The following KCTD1 variants were observed in gnomAD, a reference collection of about 807,000 sequenced individuals.
The protein encoded by KCTD1 is BTB/POZ domain-containing protein KCTD1.
KCTD1 carries 24 observed loss-of-function variants against 66.0 expected under a neutral mutation model. The ratio of observed to expected loss-of-function variants is 0.36; its 90% CI spans 0.26 to 0.51. KCTD1 has a LOEUF of 0.51. Ranked by LOEUF, KCTD1 falls within the 20% of genes least tolerant of loss-of-function variation. The pLI is 0.95. For missense variants in KCTD1, 943 were observed against 1,205.2 expected (o/e 0.78, Z 3.22); for synonymous variants, 511 against 517.2 (o/e 0.99, Z 0.16).
At chr18:26,612,807 A>G (rs1319638939) in intron 1 of KCTD1, among the ~76,000 whole-genome samples, 2 of 152,254 alleles carry the variant, frequency 1.3e-5, no homozygotes, top group Non-Finnish European at 2.9e-5. Context: ...AGGAGCAAGC[A>G]TAGGGCTCAG....
chr18:26,530,054 CAG>C (rs1380902338), intron 1 of KCTD1, among the ~76,000 whole-genome samples: 2 of 152,198 alleles, frequency 1.3e-5, no homozygotes, highest in Non-Finnish European at 1.5e-5. Flanking sequence ...ACTTACGAAT[CAG>C]AGTCTCCCAA....
At chr18:26,464,502 C>G (rs1980616692) in intron 3 of KCTD1, among the ~76,000 whole-genome samples, 2 of 152,220 alleles carry the variant, frequency 1.3e-5, no homozygotes, top group Non-Finnish European at 2.9e-5. Context: ...GTTCTGAGGA[C>G]TGGGGCAAGC....
chr18:26,496,328 T>G (rs954620282), intron 2 of KCTD1, among the ~76,000 whole-genome samples: 3 of 152,234 alleles, frequency 2.0e-5, no homozygotes, highest in Admixed American at 2.0e-4. Context: ...ATAATTCTTT[T>G]TTGGTGGTAA....
intron 3 of KCTD1, among the ~76,000 whole-genome samples, chr18:26,473,902 A>G (rs1461233879): frequency 2.0e-5 from 3 of 152,214 alleles, no homozygotes; most frequent in Non-Finnish European, 4.4e-5. Flanking sequence ...TGCCATGTAA[A>G]ATAAATGTGC....
At chr18:26,560,421 A>G (rs1985819528) in intron 1 of KCTD1, among the ~76,000 whole-genome samples, 1 of 152,130 alleles carries the variant, frequency 6.6e-6, no homozygotes, top group South Asian at 2.1e-4. Flanking sequence ...GGTTCCTGCG[A>G]TTGGCTGCAT....
chr18:26,641,911 T>C (rs886456875), upstream of KCTD1, among the ~76,000 whole-genome samples: 2 of 152,152 alleles, frequency 1.3e-5, no homozygotes, highest in Non-Finnish European at 2.9e-5. Flanking sequence ...GTACAATACA[T>C]ATGCATATGT....
At chr18:26,558,688 C>G (rs996696084) in intron 1 of KCTD1, among the ~76,000 whole-genome samples, 12 of 152,162 alleles carry the variant, frequency 7.9e-5, no homozygotes, top group Non-Finnish European at 1.8e-4. Flanking sequence ...CTTTGGGAGG[C>G]TGAGGCTGGC....
chr18:26,575,638 T>C (rs542033224), intron 1 of KCTD1: 4 of 152,250 alleles, frequency 2.6e-5, no homozygotes, highest in East Asian at 3.8e-4. Flanking sequence ...AAAGCCTTTA[T>C]TTGCTCAAGT....
chr18:26,548,659 C>T, upstream of KCTD1: 6 of 1,078,866 alleles, frequency 5.6e-6, no homozygotes, highest in Non-Finnish European at 6.9e-6. Flanking sequence ...TTAAAGGAGC[C>T]GCGCTCCAAT....
At chr18:26,526,873 T>TG (rs1270135820) in intron 1 of KCTD1, among the ~76,000 whole-genome samples, 1 of 151,610 alleles carries the variant, frequency 6.6e-6, no homozygotes, top group East Asian at 1.9e-4. Context: ...TTTGGGTTTT[T>TG]TTTTTTTTTT....
At chr18:26,492,039 C>T (rs867852798) in intron 2 of KCTD1, among the ~76,000 whole-genome samples, 56 of 152,116 alleles carry the variant, frequency 3.7e-4, no homozygotes, top group Admixed American at 2.2e-3. Flanking sequence ...CCCAGGAGTT[C>T]GAGACCAGCC....
upstream of KCTD1, among the ~76,000 whole-genome samples, chr18:26,550,823 C>G (rs1985536839): frequency 6.6e-6 from 1 of 152,276 alleles, no homozygotes; most frequent in African/African-American, 2.4e-5. The surrounding 1 kb of genome is among the most constrained non-coding windows in gnomAD (Gnocchi z 5.4). Flanking sequence ...ACTAGTCACA[C>G]ACGGCTAATT....
intron 3 of KCTD1, among the ~76,000 whole-genome samples, chr18:26,471,853 G>A (rs893301179): frequency 6.6e-6 from 1 of 152,184 alleles, no homozygotes; most frequent in African/African-American, 2.4e-5. Flanking sequence ...GTAAGAGTGG[G>A]AGGGGGTAGA....
In KCTD1 at chr18:26,639,398, T is replaced by A. The variant is rs509322; in HGVS notation, c.-107+913A>T. Among the ~76,000 whole-genome samples the A allele has an allele frequency of 2.0e-5, 3 of 151,806 alleles. No homozygotes were observed. In the South Asian group the frequency reaches 6.3e-4, roughly 32 times the overall value. On this transcript the variant is annotated intron_variant, in intron 1 of 5. Transcript: ENST00000579973. ...GCCCAGGGCTTTGGTTCCTATCTTG[T>A]AGGCAGTGGGAGGTTATTGAACCTT...
intron 1 of KCTD1, among the ~76,000 whole-genome samples, chr18:26,568,964 C>T (rs1169693379): frequency 6.6e-6 from 1 of 152,064 alleles, no homozygotes; most frequent in East Asian, 1.9e-4. Context: ...GAGGAAGGGA[C>T]AGGAATTACT....
At chr18:26,533,375 G>A (rs988756001) in intron 1 of KCTD1, among the ~76,000 whole-genome samples, 7 of 152,178 alleles carry the variant, frequency 4.6e-5, no homozygotes, top group African/African-American at 1.4e-4. Context: ...GTAGGAAAAG[G>A]GGGCTAAGAG....
At chr18:26,482,639 C>T (rs1217838145) in intron 2 of KCTD1, among the ~76,000 whole-genome samples, 21 of 152,204 alleles carry the variant, frequency 1.4e-4, no homozygotes, top group Admixed American at 1.4e-3. Context: ...CCCACCCTTC[C>T]CATGCTGCAC....
At chr18:26,516,164 T>C (rs1028873770) in intron 1 of KCTD1, among the ~76,000 whole-genome samples, 1 of 151,538 alleles carries the variant, frequency 6.6e-6, no homozygotes, top group Non-Finnish European at 1.5e-5. Flanking sequence ...AAGAAACTGA[T>C]GGAAAGGAAA....
In KCTD1 at chr18:26,597,167, C is replaced by G. The variant is rs185960026; in HGVS notation, c.-16+31980G>C. On this transcript the variant is annotated intron_variant, in intron 1 of 4. Coordinates refer to the KCTD1 transcript ENST00000317932. ...GGGAAACTGGCTCAGGTCACTGGAG[C>G]CCAGGCAAGTTGAGGAGGGTACCCC... Among the ~76,000 whole-genome samples the G allele has an allele frequency of 1.4e-4, 21 of 151,826 alleles. No individual in the cohort carries two copies. The East Asian group carries it at 3.5e-3, about 25-fold the overall frequency.
Sources: gnomAD v4.1 joint callset for allele counts (sites outside exome capture counted in the v4.1 genomes callset) on GRCh38, gnomAD v4.1.1 for gene constraint, Gnocchi (gnomAD v3.1) non-coding constraint, MANE v1.5 for transcripts, NCBI Gene and HGNC (gene_info 2026-07-23, HGNC 2026-07-21) for gene names.